The following ROBO2 variants were observed in gnomAD, a reference collection of about 807,000 sequenced individuals.
ROBO2 encodes roundabout guidance receptor 2, also known as roundabout homolog 2.
In ROBO2, 53 loss-of-function variants were observed where a neutral mutation model predicts 160.8. The observed-to-expected ratio is 0.33, with a 90% CI of 0.26 to 0.41. ROBO2 has a LOEUF of 0.41. Among genes scored for constraint, ROBO2 ranks in the 10% least tolerant of loss-of-function variants. ROBO2 has a pLI of 1.00. For synonymous variants in ROBO2, 664 were observed against 611.7 expected, an observed-to-expected ratio of 1.09 and a Z score of -1.26; for missense variants, 1,577 against 1,722.4, an observed-to-expected ratio of 0.92 and a Z score of 1.49.
At chr3:76,483,658 C>T (rs970586295) in intron 2 of ROBO2, among the ~76,000 whole-genome samples, 1 of 152,062 alleles carries the variant, frequency 6.6e-6, no homozygotes, top group African/African-American at 2.4e-5. Context: ...GAATATTTCA[C>T]CACCCAGGTA....
Position 76,434,036 on chromosome 3 carries a change from C to A in ROBO2, c.109+496434C>A, listed in dbSNP as rs561654493. 3 of 1,247,638 alleles carry A rather than the reference C, an allele frequency of 2.4e-6. No individual in the cohort carries two copies. The African/African-American group carries it at 4.4e-5, about 18-fold the overall frequency. The allele number at this position is 1,247,638 out of a possible 1,614,324, so 77.3% of individuals were successfully genotyped here. A position where few individuals can be genotyped will look rare whatever the true frequency, so the allele number is the denominator to read the frequency against. ...GTTCATTATGGCTGACATGCAAAAT[C>A]TGGTAGAAAGACTGGAGAGGGCAGT... is the stretch of plus-strand genomic sequence containing the variant. On this transcript the variant is annotated intron_variant, in intron 2 of 26. Coordinates refer to the ROBO2 transcript ENST00000487694.
intron 2 of ROBO2, among the ~76,000 whole-genome samples, chr3:75,976,066 G>T (rs549712435): frequency 6.6e-6 from 1 of 151,676 alleles, no homozygotes; most frequent in African/African-American, 2.4e-5. Flanking sequence ...TTTGGCTTGT[G>T]CCTGTGAGCC....
At chr3:76,931,248 G>A (rs1394217428) in intron 2 of ROBO2, among the ~76,000 whole-genome samples, 1 of 152,024 alleles carries the variant, frequency 6.6e-6, no homozygotes, top group Non-Finnish European at 1.5e-5. Flanking sequence ...AGGTTAAAGG[G>A]TTTTCTAAAA....
chr3:77,225,037 A>T (rs555409687), intron 2 of ROBO2, among the ~76,000 whole-genome samples: 10 of 151,942 alleles, frequency 6.6e-5, no homozygotes, highest in South Asian at 4.1e-4. Context: ...ATTAGAAAAA[A>T]GTAGCATAAT....
chr3:76,427,883 G>C (rs372902817), intron 2 of ROBO2, among the ~76,000 whole-genome samples: 1 of 152,056 alleles, frequency 6.6e-6, no homozygotes, highest in Non-Finnish European at 1.5e-5. Context: ...ACATTGATTA[G>C]TATGTGCCTC....
At chr3:77,237,183 C>CTTTTTTTTTTTTTTTTTTTTTTT (rs34992972) in intron 2 of ROBO2, among the ~76,000 whole-genome samples, 1 of 107,114 alleles carries the variant, frequency 9.3e-6, no homozygotes, top group Non-Finnish European at 1.8e-5. Context: ...CTTGACCTTT[C>CTTTTTTTTTTTTTTTTTTTTTTT]TTTTTTTTTT....
At chr3:77,513,091 A>G (rs777628154) in intron 5 of ROBO2, among the ~76,000 whole-genome samples, 2 of 151,940 alleles carry the variant, frequency 1.3e-5, no homozygotes, top group Non-Finnish European at 2.9e-5. Flanking sequence ...GAAGTTTTAT[A>G]GAGTCCTTAC....
chr3:77,039,635 C>A (rs898238105), upstream of ROBO2, among the ~76,000 whole-genome samples: 1 of 152,100 alleles, frequency 6.6e-6, no homozygotes, highest in Non-Finnish European at 1.5e-5. Context: ...ATTTGTTCAT[C>A]TCCGTCCCCC....
At chr3:77,267,562 G>C (rs1229043549) in intron 2 of ROBO2, among the ~76,000 whole-genome samples, 4 of 152,168 alleles carry the variant, frequency 2.6e-5, no homozygotes, top group Non-Finnish European at 5.9e-5. Flanking sequence ...GTGTGATTAT[G>C]GGAGGCAATT....
chr3:76,199,922 G>A (rs1166691745), intron 2 of ROBO2, among the ~76,000 whole-genome samples: 1 of 152,084 alleles, frequency 6.6e-6, no homozygotes, highest in Admixed American at 6.6e-5. Flanking sequence ...TCAAGTAATA[G>A]TGGCTGACTG....
chr3:75,961,220 A>G (rs1349731906), intron 2 of ROBO2, among the ~76,000 whole-genome samples: 1 of 151,704 alleles, frequency 6.6e-6, no homozygotes, highest in African/African-American at 2.4e-5. Flanking sequence ...AGCTTCAAAA[A>G]TTTCAAATGT....
intron 2 of ROBO2, among the ~76,000 whole-genome samples, chr3:76,356,267 GAAAC>G (rs1335664721): frequency 2.0e-5 from 3 of 151,138 alleles, no homozygotes; most frequent in African/African-American, 7.3e-5. Flanking sequence ...CAGGAAAAGA[GAAAC>G]AAGTGAGCAA....
intron 5 of ROBO2, among the ~76,000 whole-genome samples, chr3:77,514,652 G>A (rs1480709948): frequency 6.6e-6 from 1 of 151,724 alleles, no homozygotes; most frequent in Non-Finnish European, 1.5e-5. Flanking sequence ...AAGCCCTGTT[G>A]TACACTATAA....
intron 2 of ROBO2, among the ~76,000 whole-genome samples, chr3:77,421,568 AT>A (rs1172917653): frequency 1.3e-5 from 2 of 152,128 alleles, no homozygotes; most frequent in Admixed American, 1.3e-4. Flanking sequence ...TTGTTGAATA[AT>A]TTCAGGAAAA....
At chr3:77,613,701 T>G (rs987661431) in intron 21 of ROBO2, among the ~76,000 whole-genome samples, 1 of 152,180 alleles carries the variant, frequency 6.6e-6, no homozygotes, top group African/African-American at 2.4e-5. Flanking sequence ...CTTTTTAAGG[T>G]GTTATATTAG....
chr3:77,637,092 G>A (rs562275821), intron 24 of ROBO2, among the ~76,000 whole-genome samples: 1 of 152,214 alleles, frequency 6.6e-6, no homozygotes, highest in Non-Finnish European at 1.5e-5. Flanking sequence ...CTGCACATTA[G>A]AACCATCTGG....
chr3:76,241,432 A>G (rs569085698), intron 2 of ROBO2, among the ~76,000 whole-genome samples: 25 of 152,370 alleles, frequency 1.6e-4, no homozygotes, highest in African/African-American at 5.5e-4. Flanking sequence ...CGCAGAAGAT[A>G]TAGCAGAGAA....
At chr3:75,909,171 T>A (rs1276765598) in intron 1 of ROBO2, among the ~76,000 whole-genome samples, 1 of 152,222 alleles carries the variant, frequency 6.6e-6, no homozygotes, top group Non-Finnish European at 1.5e-5. Context: ...ATAGGCTTCT[T>A]CAAGAGTTGA....
chr3:77,308,275 A>G (rs1424324700), intron 2 of ROBO2, among the ~76,000 whole-genome samples: 2 of 152,172 alleles, frequency 1.3e-5, no homozygotes, highest in African/African-American at 4.8e-5. Context: ...AGGCAGGAAG[A>G]TCTCATCTGG....
Sources: gnomAD v4.1 joint callset for allele counts (sites outside exome capture counted in the v4.1 genomes callset) on GRCh38, gnomAD v4.1.1 for gene constraint, MANE v1.5 for transcripts, NCBI Gene and HGNC (gene_info 2026-07-23, HGNC 2026-07-21) for gene names.